Variants in DCLK2 observed in about 807,000 individuals in gnomAD.
DCLK2 encodes the protein serine/threonine-protein kinase DCLK2.
In DCLK2, 31 loss-of-function variants were observed where a neutral mutation model predicts 78.4. The observed-to-expected ratio is 0.40, with a 90% confidence interval of 0.30 to 0.53. The LOEUF (loss-of-function observed/expected upper bound fraction) is 0.53, where lower values mean the gene tolerates loss of function less well. DCLK2 is among the 20% of genes least tolerant of loss of function. DCLK2 has a pLI of 0.61. For missense variants in DCLK2, 872 were observed against 973.7 expected, an observed-to-expected ratio of 0.90 and a Z score of 1.39; for synonymous variants, 407 against 374.9, an observed-to-expected ratio of 1.09 and a Z score of -0.99.
At chr4:150,109,219 T>C (rs1273090292) in intron 2 of DCLK2, among the ~76,000 whole-genome samples, 2 of 152,250 alleles carry the variant, frequency 1.3e-5, no homozygotes, top group African/African-American at 4.8e-5. Flanking sequence ...AAATTGTTGA[T>C]AAGTATTCAT....
intron 2 of DCLK2, among the ~76,000 whole-genome samples, chr4:150,129,001 A>G (rs986751903): frequency 1.3e-5 from 2 of 152,124 alleles, no homozygotes; most frequent in African/African-American, 4.8e-5. Flanking sequence ...GGTAAACACT[A>G]CCTTTTAATA....
chr4:150,235,389 T>C (rs1444605084), intron 10 of DCLK2, among the ~76,000 whole-genome samples: 3 of 152,222 alleles, frequency 2.0e-5, no homozygotes, highest in African/African-American at 4.8e-5. Context: ...GTAAGTAATG[T>C]AATGGGGATT....
intron 2 of DCLK2, among the ~76,000 whole-genome samples, chr4:150,111,287 T>C (rs535332579): frequency 2.4e-4 from 37 of 152,312 alleles, no homozygotes; most frequent in African/African-American, 8.9e-4. Context: ...GTATATCTCT[T>C]TTAAAAATAT....
intron 2 of DCLK2, among the ~76,000 whole-genome samples, chr4:150,107,550 T>G (rs1731355614): frequency 6.6e-6 from 1 of 151,968 alleles, no homozygotes; most frequent in Admixed American, 6.6e-5. Context: ...CTAATTTTTG[T>G]ATTTTTGTAG....
intron 8 of DCLK2, among the ~76,000 whole-genome samples, chr4:150,226,742 T>C (rs1741648785): frequency 6.6e-6 from 1 of 152,186 alleles, no homozygotes; most frequent in Admixed American, 6.5e-5. Context: ...ATTTTTCCAC[T>C]TTTACATTTT....
chr4:150,081,995 C>CT, intron 1 of DCLK2, among the ~76,000 whole-genome samples: 1 of 127,608 alleles, frequency 7.8e-6, no homozygotes, highest in African/African-American at 3.2e-5. Flanking sequence ...AAGACTCTGT[C>CT]TCAAAAAAAA....
At chr4:150,127,351 T>G (rs770841389) in intron 2 of DCLK2, among the ~76,000 whole-genome samples, 6 of 152,220 alleles carry the variant, frequency 3.9e-5, no homozygotes, top group Non-Finnish European at 8.8e-5. Flanking sequence ...TTTCCACATT[T>G]CCTTCTACAT....
Position 150,226,276 on chromosome 4 carries a change from CATAGACTGT to C in DCLK2, c.1299+1719_1299+1727del, listed in dbSNP as rs199619467. ...GTGATAATTACTGAAGCATAGACTG[CATAGACTGT>C]GCAAAATGCCCCTTTTCCTTTGAAT... On this transcript the variant is annotated intron_variant, in intron 8 of 15. Transcript: ENST00000296550. 8.5e-4 allele frequency among the ~76,000 whole-genome samples: 127 copies of C among 149,060 alleles called. 3 individuals are homozygous for C. The East Asian group carries it at 0.024, about 28-fold the overall frequency.
chr4:150,243,774 G>A (rs1743093710), intron 12 of DCLK2, among the ~76,000 whole-genome samples: 1 of 149,348 alleles, frequency 6.7e-6, no homozygotes, highest in Non-Finnish European at 1.5e-5. Context: ...CACCCAGGCT[G>A]GTGTGATCAC....
chr4:150,161,429 G>A (rs562755025), intron 2 of DCLK2, among the ~76,000 whole-genome samples: 20 of 152,242 alleles, frequency 1.3e-4, no homozygotes, highest in Admixed American at 7.2e-4. Context: ...TCTAGGATGT[G>A]CATTACAAAG....
intron 5 of DCLK2, among the ~76,000 whole-genome samples, chr4:150,215,307 T>C (rs897281891): frequency 6.6e-6 from 1 of 152,164 alleles, no homozygotes; most frequent in Non-Finnish European, 1.5e-5. Context: ...TCTGATGCTA[T>C]CTACCTGGAG....
intron 2 of DCLK2, among the ~76,000 whole-genome samples, chr4:150,103,120 C>T (rs951707120): frequency 6.6e-6 from 1 of 152,028 alleles, no homozygotes; most frequent in East Asian, 1.9e-4. Flanking sequence ...AGACATCCTA[C>T]GTTAAATGGC....
intron 2 of DCLK2, among the ~76,000 whole-genome samples, chr4:150,159,321 C>T (rs1049082204): frequency 1.3e-5 from 2 of 152,228 alleles, no homozygotes; most frequent in Admixed American, 1.3e-4. Flanking sequence ...TGCACATACA[C>T]ACACCACTTT....
At chr4:150,223,741 C>A (rs371474782) in intron 7 of DCLK2, among the ~76,000 whole-genome samples, 2 of 94,598 alleles carry the variant, frequency 2.1e-5, no homozygotes, top group African/African-American at 3.6e-5. Context: ...AAGACTCTCT[C>A]TCAATAAATA....
chr4:150,220,631 G>C lies in DCLK2; in HGVS notation c.1057-72G>C, dbSNP rs1441282399. The C allele has an allele frequency of 8.7e-6, 11 of 1,260,634 alleles. No individual in the cohort carries two copies. The South Asian group carries it at 1.4e-4, about 16-fold the overall frequency. The allele number at this position is 1,260,634 out of a possible 1,614,324, so 78.1% of individuals were successfully genotyped here. On this transcript the variant is annotated intron_variant, in intron 5 of 15. Transcript: ENST00000296550. ...CATTTTTACATTCTGTAAGCATTTT[G>C]TGTGTCAACGGATTAGTTAGCTAGG...
intron 12 of DCLK2, among the ~76,000 whole-genome samples, chr4:150,243,655 A>G (rs1011680458): frequency 6.6e-6 from 1 of 151,406 alleles, no homozygotes; most frequent in South Asian, 2.1e-4. Context: ...TGACGATAGC[A>G]TCTTTCATTC....
intron 2 of DCLK2, among the ~76,000 whole-genome samples, chr4:150,178,390 A>G (rs1387694736): frequency 6.6e-6 from 1 of 152,204 alleles, no homozygotes; most frequent in Non-Finnish European, 1.5e-5. Flanking sequence ...TATCAATTTC[A>G]CTTTTAAAAT....
chr4:150,187,907 C>T (rs1352758800), intron 2 of DCLK2, among the ~76,000 whole-genome samples: 1 of 150,558 alleles, frequency 6.6e-6, no homozygotes, highest in Non-Finnish European at 1.5e-5. Flanking sequence ...TCAAGCGATT[C>T]CCCCTGCTTC....
intron 8 of DCLK2, among the ~76,000 whole-genome samples, chr4:150,229,234 G>GGGAAGATTGCTTGAGCCT (rs1468091569): frequency 6.6e-6 from 1 of 152,098 alleles, no homozygotes; most frequent in Non-Finnish European, 1.5e-5. Flanking sequence ...AGGCTGAGGC[G>GGGAAGATTGCTTGAGCCT]GGAAGATTGC....
Sources: gnomAD v4.1 joint callset for allele counts (sites outside exome capture counted in the v4.1 genomes callset) on GRCh38, gnomAD v4.1.1 for gene constraint, MANE v1.5 for transcripts, NCBI Gene and HGNC (gene_info 2026-07-23, HGNC 2026-07-21) for gene names.